MME: variants seen among roughly 807,000 people sequenced by gnomAD.
The protein encoded by MME is neprilysin.
MME carries 98 observed loss-of-function variants against 113.2 expected under a neutral mutation model. That is an observed-to-expected ratio of 0.87 (90% CI 0.74 to 1.02). The LOEUF (loss-of-function observed/expected upper bound fraction) is 1.02. Among genes scored for constraint, MME ranks in the 50% least tolerant of loss-of-function variants. The probability of loss-of-function intolerance (pLI) is 0.00; values close to 1 mark genes in which losing one functional copy is unlikely to be tolerated. For synonymous variants in MME, 292 were observed against 300.6 expected (o/e 0.97, Z 0.30); for missense variants, 836 against 896.0 (o/e 0.93, Z 0.86).
At chr3:155,052,709 G>A (rs542871240) in intron 1 of MME, among the ~76,000 whole-genome samples, 1 of 152,318 alleles carries the variant, frequency 6.6e-6, no homozygotes, top group African/African-American at 2.4e-5. Context: ...TGTCATGAAG[G>A]CCTTTGGCAT....
At chr3:155,135,240 A>ATT (rs1418310632) in intron 8 of MME, among the ~76,000 whole-genome samples, 1 of 152,066 alleles carries the variant, frequency 6.6e-6, no homozygotes, top group Non-Finnish European at 1.5e-5. Flanking sequence ...GGTATTTCCT[A>ATT]TTTTGTTCTA....
intron 1 of MME, among the ~76,000 whole-genome samples, chr3:155,049,940 G>T (rs1048543691): frequency 6.6e-6 from 1 of 152,072 alleles, no homozygotes; most frequent in African/African-American, 2.4e-5. Context: ...CAGGTACTAA[G>T]CACGGTACCC....
chr3:155,180,639 G>A lies in MME; in HGVS notation c.*180G>A. 3.1e-6 allele frequency: 2 copies of A among 638,352 alleles called. No individual in the cohort carries two copies. The highest frequency in any genetic ancestry group is 5.8e-6 in the Non-Finnish European group (2 of 345,652). The allele number at this position is 638,352 out of a possible 1,614,324, so 39.5% of individuals were successfully genotyped here. ...TTGTCCTAGAAAGGGTGTGGAGGGA[G>A]GAAGGGGGTCTAAGGTCTATCAAGT... On this transcript the variant is annotated 3_prime_UTR_variant, in exon 23 of 23. Coordinates refer to ENST00000360490, the MANE Select transcript of MME (RefSeq NM_007289.4).
At chr3:155,098,495 G>A (rs1469449315) in intron 3 of MME, among the ~76,000 whole-genome samples, 1 of 151,888 alleles carries the variant, frequency 6.6e-6, no homozygotes, top group Admixed American at 6.6e-5. Flanking sequence ...GGTGGAGGTT[G>A]CAATGAGCCA....
intron 3 of MME, among the ~76,000 whole-genome samples, chr3:155,104,575 G>C (rs1717534057): frequency 6.6e-6 from 1 of 152,206 alleles, no homozygotes; most frequent in South Asian, 2.1e-4. Context: ...GTTACTCTCA[G>C]TAATCACATA....
intron 3 of MME, among the ~76,000 whole-genome samples, chr3:155,103,366 C>A (rs1329092128): frequency 1.4e-5 from 2 of 141,878 alleles, no homozygotes; most frequent in South Asian, 2.1e-4. Context: ...CGTTTTCAGT[C>A]TAGCTAGGTC....
chr3:155,031,254 G>GA (rs543632314), intron 1 of MME, among the ~76,000 whole-genome samples: 5 of 151,740 alleles, frequency 3.3e-5, no homozygotes, highest in African/African-American at 1.2e-4. Flanking sequence ...TTCCAGTTTA[G>GA]AAAAAAAATT....
intron 8 of MME, among the ~76,000 whole-genome samples, chr3:155,133,408 G>C (rs1398333498): frequency 6.6e-6 from 1 of 151,640 alleles, no homozygotes; most frequent in Admixed American, 6.6e-5. Context: ...CCAGTTTTCT[G>C]AGAAACTTGA....
chr3:155,028,932 C>T (rs1712879015), intron 1 of MME, among the ~76,000 whole-genome samples: 1 of 152,090 alleles, frequency 6.6e-6, no homozygotes, highest in Admixed American at 6.5e-5. Context: ...AGGTTTAAAA[C>T]ACTTCATATC....
In MME at chr3:155,181,782, A is replaced by G. The variant is rs202023868; in HGVS notation, c.*1323A>G. On this transcript the variant is annotated 3_prime_UTR_variant, in exon 23 of 23. Transcript: ENST00000360490. ...CCTGTTGTATTGACTATTTTCGTTC[A>G]TTACTTGATTAAGATTTTACAAAAG... The G allele has an allele frequency of 6.6e-6, 1 of 152,100 alleles. No individual in the cohort carries two copies. The highest frequency in any genetic ancestry group is 2.4e-5 in the African/African-American group (1 of 41,432). The allele number at this position is 152,100 out of a possible 1,614,324, so 9.4% of individuals were successfully genotyped here.
intron 18 of MME, 107 bp from the exon 19 acceptor site, chr3:155,168,385 A>T: frequency 1.0e-6 from 1 of 998,790 alleles, no homozygotes; most frequent in Non-Finnish European, 1.5e-6. Context: ...TGCCTAATTT[A>T]ATGTTCTGTC....
rs1312002971 is a variant in MME at position 155,182,213 on chromosome 3, T to C, written c.*1754T>C. On this transcript the variant is annotated 3_prime_UTR_variant, in exon 23 of 23. Coordinates refer to ENST00000360490, the MANE Select transcript of MME (RefSeq NM_007289.4). Reference sequence around the variant, plus strand: ...CTGGCTTCTTTCTCTCAGCCTTACATTTGTGAGATTCCTCTGTATTGTGCT... The same window carrying C: ...CTGGCTTCTTTCTCTCAGCCTTACACTTGTGAGATTCCTCTGTATTGTGCT... The C allele has an allele frequency of 6.6e-6, 1 of 152,206 alleles. No individual in the cohort carries two copies. The highest frequency in any genetic ancestry group is 2.4e-5 in the African/African-American group (1 of 41,474). 9.4% of individuals were successfully genotyped at this position (152,206 alleles called of 1,614,324 possible).
At chr3:155,119,112 A>T (rs1718876897) in intron 8 of MME, among the ~76,000 whole-genome samples, 1 of 152,230 alleles carries the variant, frequency 6.6e-6, no homozygotes, top group African/African-American at 2.4e-5. Flanking sequence ...ATCCACCTGT[A>T]AACTGCATTA....
chr3:155,139,885 T>C (rs773355749), intron 9 of MME, among the ~76,000 whole-genome samples: 14 of 152,174 alleles, frequency 9.2e-5, no homozygotes, highest in Non-Finnish European at 1.9e-4. Flanking sequence ...CAGACACAAC[T>C]GAACTGGCCA....
At chr3:155,042,532 T>C (rs1230765196) in intron 1 of MME, among the ~76,000 whole-genome samples, 1 of 152,108 alleles carries the variant, frequency 6.6e-6, no homozygotes, top group Non-Finnish European at 1.5e-5. Context: ...AATTGCACTA[T>C]ATGCCAAAGA....
At chr3:155,066,452 T>A (rs1559897955) in intron 1 of MME, among the ~76,000 whole-genome samples, 1 of 152,150 alleles carries the variant, frequency 6.6e-6, no homozygotes, top group Non-Finnish European at 1.5e-5. Flanking sequence ...CTCAACCCAA[T>A]AGTGGAGGCA....
intron 7 of MME, among the ~76,000 whole-genome samples, chr3:155,117,812 G>A (rs1718755348): frequency 6.6e-6 from 1 of 152,064 alleles, no homozygotes; most frequent in African/African-American, 2.4e-5. Context: ...AGGGGGTGGG[G>A]AAGGATCAGG....
At chr3:155,091,284 C>A (rs1407917159) in intron 3 of MME, among the ~76,000 whole-genome samples, 1 of 152,144 alleles carries the variant, frequency 6.6e-6, no homozygotes, top group Non-Finnish European at 1.5e-5. Flanking sequence ...CAATCAGATC[C>A]TTTCCAAGAA....
intron 16 of MME, among the ~76,000 whole-genome samples, chr3:155,156,908 T>G (rs1402679145): frequency 6.6e-6 from 1 of 152,124 alleles, no homozygotes; most frequent in Admixed American, 6.6e-5. Flanking sequence ...CTAGGTGCTT[T>G]TGCAATCTAG....
Sources: gnomAD v4.1 joint callset for allele counts (sites outside exome capture counted in the v4.1 genomes callset) on GRCh38, gnomAD v4.1.1 for gene constraint, MANE v1.5 for transcripts, NCBI Gene and HGNC (gene_info 2026-07-23, HGNC 2026-07-21) for gene names.